ZNF594: variants seen among roughly 807,000 people sequenced by gnomAD.
The protein encoded by ZNF594 is zinc finger protein 594.
For missense variants in ZNF594, 1,037 were observed against 964.6 expected (o/e 1.08, Z -0.99); for synonymous variants, 336 against 309.4 (o/e 1.09, Z -0.90).
intron 1 of ZNF594, among the ~76,000 whole-genome samples, chr17:5,190,604 T>C (rs2641269): frequency 0.86 from 130,239 of 152,148 alleles, 56,483 homozygotes; most frequent in Non-Finnish European, 0.92. Context: ...GACTCACACA[T>C]GAAACAAGGT....
At position 5,182,525 on chromosome 17, in the gene ZNF594, G is replaced by A. The variant is rs1169858966; in HGVS notation, c.1732C>T (p.Gln578Ter). 2 of 1,613,480 alleles carry A rather than the reference G, an allele frequency of 1.2e-6. No homozygotes were observed. The highest frequency in any genetic ancestry group is 1.7e-5 in the Admixed American group (1 of 59,960). The change falls in exon 2 of 2, where the codon CAG becomes TAG. Residue 578 changes from glutamine to a stop codon, truncating the protein, a stop_gained. Coordinates refer to ENST00000575779, the MANE Select transcript of ZNF594 (RefSeq NM_032530.2). LOFTEE classifies it low-confidence loss of function (END_TRUNC). The stretch of plus-strand genomic sequence containing the variant: ...TGTCTGATGAGGTCTGAGCTGCCCT[G>A]GAAAGCCCTACCACACTGATTACAC... ...YWCNQCGRAF[Q>*]GSSDLIRHQV...
downstream of ZNF594, among the ~76,000 whole-genome samples, chr17:5,177,342 C>T (rs953379823): frequency 1.3e-5 from 2 of 152,096 alleles, no homozygotes; most frequent in African/African-American, 4.8e-5. Context: ...TGTATTAAGA[C>T]ACTAGGAGGG....
In ZNF594 at chr17:5,183,907, T is replaced by G; in HGVS notation, c.350A>C (p.His117Pro). Residue 117 changes from histidine to proline, a missense_variant, in exon 2 of 2, where the codon CAT becomes CCT. Transcript: ENST00000575779. Reference sequence around the variant, plus strand: ...CTTATTTATATTATGAATTTTCTGATGTTCAGTTAATCCTGACTTCTGTTT... The same window carrying G: ...CTTATTTATATTATGAATTTTCTGAGGTTCAGTTAATCCTGACTTCTGTTT... Reference protein sequence around the residue: ...NFKQKSGLTEHQKIHNINKTY... With the variant: ...NFKQKSGLTEPQKIHNINKTY... 4.3e-6 allele frequency: 7 copies of G among 1,613,624 alleles called. No individual in the cohort carries two copies. The highest frequency in any genetic ancestry group is 5.9e-6 in the Non-Finnish European group (7 of 1,179,964).
rs760436824 is a variant in ZNF594 at position 5,181,145 on chromosome 17, A to G, written c.*688T>C. The G allele has an allele frequency of 3.1e-6, 5 of 1,603,860 alleles. No homozygotes were observed. In the African/African-American group the frequency reaches 4.0e-5, roughly 13 times the overall value. ...AGGCCTTCCAACATTCAGGGCATTC[A>G]TAGGGTTTCTCTCCAGTATGAACAC... On this transcript the variant is annotated 3_prime_UTR_variant, in exon 2 of 2. Transcript: ENST00000575779.
rs2074353262 is a variant in ZNF594, at chr17:5,182,654, G to GA, written c.1602dup (p.Gln535SerfsTer10). 4.3e-6 allele frequency: 7 copies of GA among 1,613,882 alleles called. No homozygotes were observed. Among genetic ancestry groups the GA allele is most frequent in the Non-Finnish European group, 5.9e-6 (7 of 1,179,914 alleles). On this transcript the variant is annotated frameshift_variant, in exon 2 of 2. Coordinates refer to ENST00000575779, the MANE Select transcript of ZNF594 (RefSeq NM_032530.2). LOFTEE classifies it low-confidence loss of function (END_TRUNC). ...AGTTTCTCTCCAGTATGCAGGCTCTGATGTTTGAGGAAAGCTGTGCGCCAA... is the reference window on the plus strand; with the variant it reads ...AGTTTCTCTCCAGTATGCAGGCTCTGAATGTTTGAGGAAAGCTGTGCGCCAA...
At chr17:5,191,031 G>C (rs542773032) in intron 1 of ZNF594, among the ~76,000 whole-genome samples, 20 of 152,172 alleles carry the variant, frequency 1.3e-4, no homozygotes, top group Admixed American at 1.3e-3. Context: ...TGCCAGTTCT[G>C]CTTCTGTAAA....
chr17:5,175,626 G>T (rs2074302200), downstream of ZNF594, among the ~76,000 whole-genome samples: 1 of 152,142 alleles, frequency 6.6e-6, no homozygotes, highest in Non-Finnish European at 1.5e-5. Flanking sequence ...GAGGATTGGT[G>T]CCTACATTGG....
At position 5,182,606 on chromosome 17, in the gene ZNF594, G is replaced by A; in HGVS notation, c.1651C>T (p.Gln551Ter). 6.2e-7 allele frequency: 1 copy of A among 1,612,712 alleles called. No individual in the cohort carries two copies. The highest frequency in any genetic ancestry group is 1.1e-5 in the South Asian group (1 of 91,006). The change falls in exon 2 of 2, where the codon CAG (glutamine) becomes TAG (stop). Residue 551 changes from glutamine to a stop codon, truncating the protein, a stop_gained. Coordinates refer to ENST00000575779, the MANE Select transcript of ZNF594 (RefSeq NM_032530.2). LOFTEE classifies it low-confidence loss of function (END_TRUNC). ...TGCTCTCCCCTAAGCTCCTCATCCTGGCTGAAGGTTTTCTCACATTCAAGT... is the reference window on the plus strand; with the variant it reads ...TGCTCTCCCCTAAGCTCCTCATCCTAGCTGAAGGTTTTCTCACATTCAAGT... ...EKLECEKTFS[Q>*]DEELRGEQKI...
At chr17:5,175,436 C>T (rs1385785446), downstream of ZNF594, among the ~76,000 whole-genome samples, 1 of 152,132 alleles carries the variant, frequency 6.6e-6, no homozygotes, top group Non-Finnish European at 1.5e-5. Flanking sequence ...TTCCCCCCAT[C>T]CCCCCAGTCC....
Position 5,184,257 on chromosome 17 carries a change from C to T in ZNF594, c.-1G>A, listed in dbSNP as rs767886564. The T allele has an allele frequency of 5.6e-6, 9 of 1,608,296 alleles. No individual in the cohort carries two copies. The highest frequency in any genetic ancestry group is 7.6e-6 in the Non-Finnish European group (9 of 1,178,006). On this transcript the variant is annotated 5_prime_UTR_variant, in exon 2 of 2. Coordinates refer to ENST00000575779, the MANE Select transcript of ZNF594 (RefSeq NM_032530.2). Reference sequence around the variant, plus strand: ...CCATCTTTGATTTCCATTCCTTCATCTTATTCCTGTCTTCAGAATCTGAAA... The same window carrying T: ...CCATCTTTGATTTCCATTCCTTCATTTTATTCCTGTCTTCAGAATCTGAAA...
At chr17:5,179,058 G>A (rs1048592476), downstream of ZNF594, among the ~76,000 whole-genome samples, 5 of 151,530 alleles carry the variant, frequency 3.3e-5, no homozygotes, top group African/African-American at 9.7e-5. Flanking sequence ...GGCCCTCAAG[G>A]ACCCAGAAGG....
At chr17:5,190,108 T>G (rs146051399) in intron 1 of ZNF594, among the ~76,000 whole-genome samples, 9,392 of 152,274 alleles carry the variant, frequency 0.062, 364 homozygotes, top group East Asian at 0.15. Flanking sequence ...GGCTCACACC[T>G]GTAATTCCAG....
rs57456705 is a variant in ZNF594, at chr17:5,182,235, A to G, written c.2022T>C (p.His674=). The part of the protein sequence containing the change: ...RSHLATHQKI[H]TGEKPYQCSE... Reference sequence around the variant, plus strand: ...TGCACTGATAGGGTTTCTCTCCAGTATGGATTTTCTGGTGTGTAGCAAGGT... The same window carrying G: ...TGCACTGATAGGGTTTCTCTCCAGTGTGGATTTTCTGGTGTGTAGCAAGGT... The change falls in exon 2 of 2, where the codon CAT becomes CAC. Residue 674 remains histidine, a synonymous_variant. Coordinates refer to ENST00000575779, the MANE Select transcript of ZNF594 (RefSeq NM_032530.2). The G allele has an allele frequency of 4.8e-3, 7,722 of 1,613,122 alleles. 516 individuals are homozygous for G. The African/African-American group carries it at 0.091, about 19-fold the overall frequency.
At chr17:5,179,471 A>C (rs2074324354), downstream of ZNF594, 1 of 159,802 alleles carries the variant, frequency 6.3e-6, no homozygotes, top group African/African-American at 2.4e-5. Context: ...AAGATTCAAC[A>C]ATGACTATCT....
intron 1 of ZNF594, among the ~76,000 whole-genome samples, chr17:5,189,850 T>C (rs1044647334): frequency 2.0e-5 from 3 of 151,956 alleles, no homozygotes; most frequent in Non-Finnish European, 1.5e-5. Context: ...CAATAAAAAG[T>C]AGTGAGAAGT....
At chr17:5,188,164 GT>G (rs74266329) in intron 1 of ZNF594, among the ~76,000 whole-genome samples, 1,235 of 104,344 alleles carry the variant, frequency 0.012, 8 homozygotes, top group East Asian at 0.025. Flanking sequence ...AGTGTTTAGT[GT>G]TTTTTTTTTT....
intron 1 of ZNF594, among the ~76,000 whole-genome samples, chr17:5,189,263 T>G (rs539242901): frequency 6.7e-6 from 1 of 150,280 alleles, no homozygotes; most frequent in East Asian, 2.0e-4. Context: ...TTTCACTTTT[T>G]TTTTTGGAGA....
rs2074340436 is a variant in ZNF594, at chr17:5,181,556, A to G, written c.*277T>C. 6.2e-7 allele frequency: 1 copy of G among 1,613,926 alleles called. No individual in the cohort carries two copies. Among genetic ancestry groups the G allele is most frequent in the African/African-American group, 1.3e-5 (1 of 74,986 alleles). On this transcript the variant is annotated 3_prime_UTR_variant, in exon 2 of 2. Coordinates refer to ENST00000575779, the MANE Select transcript of ZNF594 (RefSeq NM_032530.2). ...AGAGTTTCCCACATTCCTTACATTC[A>G]TAGGGTTTCTCACCACTATGAATTC... is the stretch of plus-strand genomic sequence containing the variant.
At position 5,182,636 on chromosome 17, in the gene ZNF594, C is replaced by T. The variant is rs2074352991; in HGVS notation, c.1621G>A (p.Glu541Lys). The T allele has an allele frequency of 1.2e-6, 2 of 1,614,054 alleles. No homozygotes were observed. The highest frequency in any genetic ancestry group is 1.1e-5 in the South Asian group (1 of 91,076). The part of the protein sequence containing the change: ...FLKHQSLHTG[E>K]KLECEKTFSQ... ...AAGGTTTTCTCACATTCAAGTTTCT[C>T]TCCAGTATGCAGGCTCTGATGTTTG... is the stretch of plus-strand genomic sequence containing the variant. Residue 541 changes from glutamate (E) to lysine (K), a missense_variant, in exon 2 of 2, where the codon GAG (glutamate) becomes AAG (lysine). Physicochemically the swap from Glu to Lys is moderately conservative, Grantham distance 56. Transcript: ENST00000575779.
Sources: allele counts gnomAD v4.1 joint callset (sites outside exome capture counted in the v4.1 genomes callset), GRCh38; gene constraint gnomAD v4.1.1; transcripts MANE v1.5; gene names NCBI Gene and HGNC (gene_info 2026-07-23, HGNC 2026-07-21).